PAFAH1B1: variants seen among roughly 807,000 people sequenced by gnomAD.
PAFAH1B1 encodes platelet-activating factor acetylhydrolase IB subunit beta.
A neutral mutation model predicts 57.5 loss-of-function variants in PAFAH1B1; 2 were observed. The ratio of observed to expected loss-of-function variants is 0.03; its 90% confidence interval spans 0.01 to 0.11. The LOEUF is 0.11. Ranked by LOEUF, PAFAH1B1 falls within the 10% of genes least tolerant of loss-of-function variation. The probability of loss-of-function intolerance (pLI) is 1.00; values close to 1 mark genes in which losing one functional copy is unlikely to be tolerated. For missense variants in PAFAH1B1, 257 were observed against 512.0 expected, an observed-to-expected ratio of 0.50 and a Z score of 4.81; for synonymous variants, 152 against 169.6, an observed-to-expected ratio of 0.90 and a Z score of 0.81.
At chr17:2,672,823 G>T in intron 7 of PAFAH1B1, 66 bp downstream of exon 7, 1 of 977,850 alleles carries the variant, frequency 1.0e-6, no homozygotes, top group Non-Finnish European at 1.6e-6. Flanking sequence ...TCATCCCAGC[G>T]CTTTGGGAGG....
chr17:2,607,140 A>T (rs1230177797), intron 1 of PAFAH1B1, among the ~76,000 whole-genome samples: 1 of 145,252 alleles, frequency 6.9e-6, no homozygotes, highest in East Asian at 2.1e-4. Context: ...TTTTTTAAAG[A>T]AGGCATTATT....
rs10606544 is a variant in PAFAH1B1 at position 2,597,742 on chromosome 17, TTCTC to T, written c.-191+3741_-191+3744del. On this transcript the variant is annotated intron_variant, in intron 1 of 10. Coordinates refer to ENST00000397195, the MANE Select transcript of PAFAH1B1 (RefSeq NM_000430.4). ...TATTTTTTAAAAATAATATAAATGTTTCTCTCTCAGTTGTATACTAAGTAACAGA... is the reference window on the plus strand; with the variant it reads ...TATTTTTTAAAAATAATATAAATGTTTCTCAGTTGTATACTAAGTAACAGA... 0.28 allele frequency among the ~76,000 whole-genome samples: 42,718 copies of T among 151,280 alleles called. 6,171 individuals are homozygous for T. The highest frequency in any genetic ancestry group is 0.35 in the Middle Eastern group (103 of 294).
rs1199582551 is a variant in PAFAH1B1, at chr17:2,650,269, T to G, written c.32+11949T>G. On this transcript the variant is annotated intron_variant, in intron 2 of 10. Transcript: ENST00000397195. The stretch of plus-strand genomic sequence containing the variant: ...GCTCACGCCTGTAATCCCAACACTT[T>G]GGGAGGCCGAGGCGGGTGGATCACT... 6.2e-4 allele frequency among the ~76,000 whole-genome samples: 94 copies of G among 151,928 alleles called. 1 individual carries two copies. The highest frequency in any genetic ancestry group is 1.5e-5 in the Non-Finnish European group (1 of 68,018).
rs545228290 is a variant in PAFAH1B1, at chr17:2,661,556, T to C, written c.33-3816T>C. Among the ~76,000 whole-genome samples, 4 of 152,332 alleles carry C rather than the reference T, an allele frequency of 2.6e-5. No individual in the cohort carries two copies. In the South Asian group the frequency reaches 8.3e-4, roughly 32 times the overall value. Reference sequence around the variant, plus strand: ...TGGTACCAGTAGCATGCTGTTTTGGTTACTGTAGCCTTGTAGTATAGTTTG... The same window carrying C: ...TGGTACCAGTAGCATGCTGTTTTGGCTACTGTAGCCTTGTAGTATAGTTTG... On this transcript the variant is annotated intron_variant, in intron 2 of 10. Transcript: ENST00000397195.
chr17:2,642,936 T>C (rs2068715821), intron 2 of PAFAH1B1, among the ~76,000 whole-genome samples: 2 of 152,168 alleles, frequency 1.3e-5, no homozygotes, highest in South Asian at 4.1e-4. Flanking sequence ...GAAGTGTTAC[T>C]CTCTTCTGAA....
At chr17:2,609,497 G>A (rs896273818) in intron 1 of PAFAH1B1, 9 of 152,174 alleles carry the variant, frequency 5.9e-5, no homozygotes, top group African/African-American at 1.4e-4. Context: ...GTAGAAAAGA[G>A]CATATTTTTC....
rs1246678608 is a variant in PAFAH1B1 at position 2,682,403 on chromosome 17, C to T, written c.*601C>T. ...AGTAGGATATATTTGTTTTGGCAGCCTATCACGCAGAGGCTAGTGGTATAT... is the reference window on the plus strand; with the variant it reads ...AGTAGGATATATTTGTTTTGGCAGCTTATCACGCAGAGGCTAGTGGTATAT... On this transcript the variant is annotated 3_prime_UTR_variant, in exon 11 of 11. Transcript: ENST00000397195. 1 of 152,580 alleles carries T rather than the reference C, an allele frequency of 6.6e-6. No homozygotes were observed. The highest frequency in any genetic ancestry group is 2.4e-5 in the African/African-American group (1 of 41,430). The allele number at this position is 152,580 out of a possible 1,614,324, so 9.5% of individuals were successfully genotyped here.
At chr17:2,659,065 A>C (rs1453889563) in intron 2 of PAFAH1B1, among the ~76,000 whole-genome samples, 1 of 152,164 alleles carries the variant, frequency 6.6e-6, no homozygotes, top group Non-Finnish European at 1.5e-5. Context: ...ACCCTGGCCA[A>C]CATGGCAAAA....
Position 2,666,044 on chromosome 17 carries a change from G to T in PAFAH1B1, c.146G>T (p.Gly49Val). ...VNEELDKKYA[G>V]LLEKKWTSVI... ...GAAGAATTAGATAAAAAGTATGCTG[G>T]TCTTTTGGAAAAAAAATGGACATCT... is the stretch of plus-strand genomic sequence containing the variant. Residue 49 changes from glycine to valine, a missense_variant, in exon 4 of 11, where the codon GGT becomes GTT. Coordinates refer to ENST00000397195, the MANE Select transcript of PAFAH1B1 (RefSeq NM_000430.4). 6.6e-7 allele frequency: 1 copy of T among 1,521,866 alleles called. No homozygotes were observed. Among genetic ancestry groups the T allele is most frequent in the Non-Finnish European group, 9.0e-7 (1 of 1,113,790 alleles). 94.3% of individuals were successfully genotyped at this position (1,521,866 alleles called of 1,614,324 possible).
chr17:2,637,978 T>C (rs919793489), intron 1 of PAFAH1B1, 121 bp from the exon 2 acceptor site: 9 of 426,934 alleles, frequency 2.1e-5, no homozygotes, highest in Non-Finnish European at 3.7e-5. Context: ...TGGAAAATCA[T>C]CATCTAATAT....
intron 7 of PAFAH1B1, 93 bp from the exon 8 acceptor site, chr17:2,673,967 A>G (rs2069223891): frequency 3.4e-6 from 3 of 871,738 alleles, no homozygotes; most frequent in South Asian, 2.9e-5. Flanking sequence ...ACTTGGTACC[A>G]TTCTCTTCAT....
Position 2,651,451 on chromosome 17 carries a change from G to A in PAFAH1B1, c.32+13131G>A, listed in dbSNP as rs915221640. 7.3e-5 allele frequency among the ~76,000 whole-genome samples: 11 copies of A among 151,450 alleles called. No individual in the cohort carries two copies. In the South Asian group the frequency reaches 2.1e-3, roughly 29 times the overall value. ...AAAAAAAAATTAGCTGGGCATGGTG[G>A]TGCCTGCCTGAAATCCCAGCTACTT... On this transcript the variant is annotated intron_variant, in intron 2 of 10. Transcript: ENST00000397195.
intron 1 of PAFAH1B1, among the ~76,000 whole-genome samples, chr17:2,609,771 A>C (rs921299719): frequency 6.6e-6 from 1 of 151,936 alleles, no homozygotes; most frequent in African/African-American, 2.4e-5. Context: ...AGGCCTCCCA[A>C]AGTGCTGGGA....
chr17:2,632,587 T>G (rs1164044848), intron 1 of PAFAH1B1, among the ~76,000 whole-genome samples: 1 of 152,210 alleles, frequency 6.6e-6, no homozygotes, highest in African/African-American at 2.4e-5. Context: ...TCTGTATCTG[T>G]GGGTTCTGCA....
intron 2 of PAFAH1B1, among the ~76,000 whole-genome samples, chr17:2,639,036 A>G (rs2068661340): frequency 2.0e-5 from 3 of 151,964 alleles, no homozygotes; most frequent in Non-Finnish European, 4.4e-5. Flanking sequence ...AGTAGCTGAG[A>G]CTACAGGTGA....
At chr17:2,597,320 C>T (rs1187194675) in intron 1 of PAFAH1B1, among the ~76,000 whole-genome samples, 2 of 149,416 alleles carry the variant, frequency 1.3e-5, no homozygotes, top group East Asian at 1.9e-4. Context: ...TAAAATATCT[C>T]TAGTGTAAAG....
At chr17:2,667,585 G>C (rs1323174208) in intron 5 of PAFAH1B1, 1 of 244,938 alleles carries the variant, frequency 4.1e-6, no homozygotes, top group Non-Finnish European at 8.2e-6. Flanking sequence ...AACAATTTTT[G>C]TTCTTGGAGA....
At chr17:2,681,574 G>T in intron 10 of PAFAH1B1, 155 bp from the exon 11 acceptor site, 1 of 627,090 alleles carries the variant, frequency 1.6e-6, no homozygotes, top group South Asian at 1.9e-5. Context: ...AAACAGTTCT[G>T]CATCAGTCTC....
At chr17:2,668,357 G>A (rs747104401) in intron 5 of PAFAH1B1, among the ~76,000 whole-genome samples, 2 of 151,640 alleles carry the variant, frequency 1.3e-5, no homozygotes, top group Admixed American at 6.6e-5. Flanking sequence ...TAGTAACGAC[G>A]GTTTGGCCTT....
Sources: allele counts gnomAD v4.1 joint callset (sites outside exome capture counted in the v4.1 genomes callset), GRCh38; gene constraint gnomAD v4.1.1; transcripts MANE v1.5; gene names NCBI Gene and HGNC (gene_info 2026-07-23, HGNC 2026-07-21).